Variants in DEFB113 observed in about 807,000 individuals in gnomAD.
DEFB113 encodes the protein beta-defensin 113.
Under a neutral mutation model 2.5 loss-of-function variants are expected in DEFB113, and 5 were observed. That is an observed-to-expected ratio of 1.99 (90% CI 1.04 to 4.18). The LOEUF is 4.18. Among genes scored for constraint, DEFB113 ranks in the 30% most tolerant of loss-of-function variants. The probability of loss-of-function intolerance (pLI) is 0.00; values close to 1 mark genes in which losing one functional copy is unlikely to be tolerated. For missense variants in DEFB113, 123 were observed against 96.6 expected (o/e 1.27, Z -1.14); for synonymous variants, 42 against 31.6 (o/e 1.33, Z -1.11).
At position 49,968,700 on chromosome 6, in the gene DEFB113, T is replaced by C; in HGVS notation, c.226A>G (p.Thr76Ala). ...ATTTATTTTTGATGGAGTTTACTAG[T>C]GATTTTGTTAATGATTGGCTTTTGG... ...EYQKPIINKI[T>A]SKLHQK The change falls in exon 2 of 2, where the codon ACT (threonine) becomes GCT (alanine). Residue 76 changes from threonine (T) to alanine (A), a missense_variant. Coordinates refer to ENST00000398718, the MANE Select transcript of DEFB113 (RefSeq NM_001037729.1). The C allele has an allele frequency of 6.7e-7, 1 of 1,503,710 alleles. No individual in the cohort carries two copies. Among genetic ancestry groups the C allele is most frequent in the South Asian group, 1.3e-5 (1 of 75,428 alleles). The allele number at this position is 1,503,710 out of a possible 1,614,324, so 93.1% of individuals were successfully genotyped here. A position where few individuals can be genotyped will look rare whatever the true frequency, so the allele number is the denominator to read the frequency against.
intron 1 of DEFB113, 84 bp from the exon 2 acceptor site, chr6:49,968,951 A>G (rs531282552): frequency 1.5e-6 from 2 of 1,300,888 alleles, no homozygotes; most frequent in South Asian, 3.4e-5. Flanking sequence ...ATGTAGAGTT[A>G]AACCATTTTG....
chr6:49,969,542 A>G lies in DEFB113; in HGVS notation c.58+26T>C, dbSNP rs773848264. ...TTTATAAGAACATTTTGCCTTTCACATCTTTTTTATAATAACAAATATTAC... is the reference window on the plus strand; with the variant it reads ...TTTATAAGAACATTTTGCCTTTCACGTCTTTTTTATAATAACAAATATTAC... On this transcript the variant is annotated intron_variant, in intron 1 of 1. Transcript: ENST00000398718. 5.2e-6 allele frequency: 8 copies of G among 1,546,424 alleles called. No homozygotes were observed. The East Asian group carries it at 1.6e-4, about 31-fold the overall frequency.
chr6:49,968,689 G>T lies in DEFB113; in HGVS notation c.237C>A (p.Leu79=). The T allele has an allele frequency of 6.8e-7, 1 of 1,467,016 alleles. No homozygotes were observed. Among genetic ancestry groups the T allele is most frequent in the Non-Finnish European group, 9.0e-7 (1 of 1,105,702 alleles). 90.9% of individuals were successfully genotyped at this position (1,467,016 alleles called of 1,614,324 possible). ...KPIINKITSK[L]HQK ...TTATAATTATAATTTATTTTTGATG[G>T]AGTTTACTAGTGATTTTGTTAATGA... The change falls in exon 2 of 2, where the codon CTC becomes CTA. Residue 79 remains leucine (L), a synonymous_variant. Coordinates refer to ENST00000398718, the MANE Select transcript of DEFB113 (RefSeq NM_001037729.1).
intron 1 of DEFB113, 21 bp from the exon 2 acceptor site, chr6:49,968,888 C>G (rs1282588395): frequency 6.3e-7 from 1 of 1,584,364 alleles, no homozygotes; most frequent in African/African-American, 1.4e-5. Context: ...GTAGCTATGA[C>G]CATAAGTCCA....
chr6:49,968,864 G>A lies in DEFB113; in HGVS notation c.62C>T (p.Pro21Leu). Residue 21 changes from proline (P) to leucine (L), a missense_variant, in exon 2 of 2, where the codon CCA (proline) becomes CTA (leucine). Coordinates refer to ENST00000398718, the MANE Select transcript of DEFB113 (RefSeq NM_001037729.1). Reference protein sequence around the residue: ...VFTVSCGPSVPQKKTREVAER... With the variant: ...VFTVSCGPSVLQKKTREVAER... ...TGCAACTTCTCTTGTTTTTTTCTGT[G>A]GAACTAGGAAAAAGTAGCTATGACC... The A allele has an allele frequency of 6.3e-7, 1 of 1,593,978 alleles. No homozygotes were observed. The highest frequency in any genetic ancestry group is 1.8e-5 in the Admixed American group (1 of 56,914).
In DEFB113 at chr6:49,969,601, T is replaced by C; in HGVS notation, c.25A>G (p.Thr9Ala). The C allele has an allele frequency of 6.2e-7, 1 of 1,606,984 alleles. No homozygotes were observed. Among genetic ancestry groups the C allele is most frequent in the East Asian group, 2.2e-5 (1 of 44,650 alleles). The change falls in exon 1 of 2, where the codon ACC becomes GCC. Residue 9 changes from threonine to alanine, a missense_variant. Physicochemically the swap from Thr to Ala is moderately conservative, Grantham distance 58 (BLOSUM62 0). Coordinates refer to ENST00000398718, the MANE Select transcript of DEFB113 (RefSeq NM_001037729.1). ...CCACAAGACACAGTGAAGACAAAGG[T>C]CAGAAAAATACAAAGTATCTTCATT... The part of the protein sequence containing the change: MKILCIFL[T>A]FVFTVSCGPS...
At position 49,968,778 on chromosome 6, in the gene DEFB113, C is replaced by T. The variant is rs1183768227; in HGVS notation, c.148G>A (p.Glu50Lys). ...GACKPECNSW[E>K]YVYYYCNVNP... ...ACATTGCAGTAATAATATACATATTCCCAGCTGTTGCATTCCGGCTTGCAA... is the reference window on the plus strand; with the variant it reads ...ACATTGCAGTAATAATATACATATTTCCAGCTGTTGCATTCCGGCTTGCAA... Residue 50 changes from glutamate (E) to lysine (K), a missense_variant, in exon 2 of 2, where the codon GAA becomes AAA. Glu to Lys is a moderately conservative substitution (Grantham distance 56). Coordinates refer to ENST00000398718, the MANE Select transcript of DEFB113 (RefSeq NM_001037729.1). 4.4e-6 allele frequency: 7 copies of T among 1,603,850 alleles called. No individual in the cohort carries two copies. Among genetic ancestry groups the T allele is most frequent in the Non-Finnish European group, 4.3e-6 (5 of 1,174,852 alleles).
rs148034311 is a variant in DEFB113, at chr6:49,969,185, C to A, written c.59-318G>T. On this transcript the variant is annotated intron_variant, in intron 1 of 1. Transcript: ENST00000398718. The stretch of plus-strand genomic sequence containing the variant: ...ATGTTCTGTGTTCTAAATAATCATC[C>A]ACCTCCAACCCCTTTTCTCTCTACC... Among the ~76,000 whole-genome samples the A allele has an allele frequency of 5.6e-4, 85 of 151,046 alleles. No individual in the cohort carries two copies. The East Asian group carries it at 0.01, about 18-fold the overall frequency.
intron 1 of DEFB113, 87 bp downstream of exon 1, chr6:49,969,481 T>A (rs1481609216): frequency 3.0e-6 from 3 of 996,398 alleles, no homozygotes; most frequent in Non-Finnish European, 4.5e-6. Context: ...CTCCTAACAA[T>A]AATTTATTTG....
At position 49,968,757 on chromosome 6, in the gene DEFB113, T is replaced by C. The variant is rs762677670; in HGVS notation, c.169A>G (p.Asn57Asp). The C allele has an allele frequency of 1.9e-6, 3 of 1,596,020 alleles. No individual in the cohort carries two copies. ...CATACCGCACAGCAGGGGTTAACAT[T>C]GCAGTAATAATATACATATTCCCAG... ...NSWEYVYYYC[N>D]VNPCCAVWEY... Residue 57 changes from asparagine to aspartate, a missense_variant, in exon 2 of 2, where the codon AAT becomes GAT. Physicochemically the swap from Asn to Asp is conservative, Grantham distance 23 (BLOSUM62 1). Coordinates refer to ENST00000398718, the MANE Select transcript of DEFB113 (RefSeq NM_001037729.1).
intron 1 of DEFB113, 94 bp downstream of exon 1, chr6:49,969,474 C>T (rs1466978428): frequency 1.1e-6 from 1 of 938,282 alleles, no homozygotes; most frequent in African/African-American, 1.7e-5. Context: ...ATGAAATCTC[C>T]TAACAATAAT....
chr6:49,968,844 C>A lies in DEFB113; in HGVS notation c.82G>T (p.Val28Phe). 1 of 1,599,330 alleles carries A rather than the reference C, an allele frequency of 6.3e-7. No individual in the cohort carries two copies. Among genetic ancestry groups the A allele is most frequent in the Non-Finnish European group, 8.5e-7 (1 of 1,173,280 alleles). Reference sequence around the variant, plus strand: ...TGACATTCTCTTTTTCTCTCTGCAACTTCTCTTGTTTTTTTCTGTGGAACT... The same window carrying A: ...TGACATTCTCTTTTTCTCTCTGCAAATTCTCTTGTTTTTTTCTGTGGAACT... ...PSVPQKKTRE[V>F]AERKRECQLV... The change falls in exon 2 of 2, where the codon GTT becomes TTT. Residue 28 changes from valine to phenylalanine, a missense_variant. Transcript: ENST00000398718.
At position 49,968,868 on chromosome 6, in the gene DEFB113, C is replaced by T. The variant is rs767607443; in HGVS notation, c.59-1G>A. The T allele has an allele frequency of 1.3e-6, 2 of 1,595,882 alleles. No homozygotes were observed. The highest frequency in any genetic ancestry group is 2.3e-5 in the East Asian group (1 of 43,974). Reference sequence around the variant, plus strand: ...ACTTCTCTTGTTTTTTTCTGTGGAACTAGGAAAAAGTAGCTATGACCATAA... The same window carrying T: ...ACTTCTCTTGTTTTTTTCTGTGGAATTAGGAAAAAGTAGCTATGACCATAA... On this transcript the variant is annotated splice_acceptor_variant, in intron 1 of 1. Transcript: ENST00000398718. LOFTEE classifies it high-confidence loss of function.
At position 49,968,990 on chromosome 6, in the gene DEFB113, T is replaced by C. The variant is rs1773590760; in HGVS notation, c.59-123A>G. 8 of 915,690 alleles carry C rather than the reference T, an allele frequency of 8.7e-6. No homozygotes were observed. In the South Asian group the frequency reaches 1.9e-4, roughly 22 times the overall value. 56.7% of individuals were successfully genotyped at this position (915,690 alleles called of 1,614,324 possible). On this transcript the variant is annotated intron_variant, in intron 1 of 1. Transcript: ENST00000398718. ...CTGAAATCATGCCCAAGCAACTCTA[T>C]TGAAATTTTTCCCTCTCTCAGCTGG...
At position 49,968,749 on chromosome 6, in the gene DEFB113, G is replaced by A. The variant is rs376862450; in HGVS notation, c.177C>T (p.Asn59=). Residue 59 remains asparagine (N), a synonymous_variant, in exon 2 of 2, where the codon AAC becomes AAT. Coordinates refer to ENST00000398718, the MANE Select transcript of DEFB113 (RefSeq NM_001037729.1). ...GGTATTCCCATACCGCACAGCAGGG[G>A]TTAACATTGCAGTAATAATATACAT... The part of the protein sequence containing the change: ...WEYVYYYCNV[N]PCCAVWEYQK... 6.9e-6 allele frequency: 11 copies of A among 1,590,236 alleles called. No individual in the cohort carries two copies. Among genetic ancestry groups the A allele is most frequent in the Non-Finnish European group, 8.6e-6 (10 of 1,167,552 alleles).
intron 1 of DEFB113, among the ~76,000 whole-genome samples, chr6:49,969,234 T>A (rs1452299637): frequency 1.3e-5 from 2 of 151,080 alleles, no homozygotes; most frequent in African/African-American, 4.8e-5. Context: ...AGGTTGGCTG[T>A]AAAAAGCTTA....
chr6:49,968,761 G>A lies in DEFB113; in HGVS notation c.165C>T (p.Tyr55=). The change falls in exon 2 of 2, where the codon TAC becomes TAT. Residue 55 remains tyrosine (Y), a synonymous_variant. Coordinates refer to ENST00000398718, the MANE Select transcript of DEFB113 (RefSeq NM_001037729.1). ...CCGCACAGCAGGGGTTAACATTGCAGTAATAATATACATATTCCCAGCTGT... is the reference window on the plus strand; with the variant it reads ...CCGCACAGCAGGGGTTAACATTGCAATAATAATATACATATTCCCAGCTGT... ...ECNSWEYVYY[Y]CNVNPCCAVW... is the part of the protein sequence containing the mutation. The A allele has an allele frequency of 1.9e-6, 3 of 1,597,110 alleles. No homozygotes were observed. Among genetic ancestry groups the A allele is most frequent in the Non-Finnish European group, 1.7e-6 (2 of 1,171,444 alleles).
Position 49,969,611 on chromosome 6 carries a change from A to G in DEFB113, c.15T>C (p.Cys5=), listed in dbSNP as rs1460587739. The change falls in exon 1 of 2, where the codon TGT becomes TGC. Residue 5 remains cysteine (C), a synonymous_variant. Transcript: ENST00000398718. ...CAGTGAAGACAAAGGTCAGAAAAAT[A>G]CAAAGTATCTTCATTGCTGATGCAG... MKIL[C]IFLTFVFTVS... 2.5e-6 allele frequency: 4 copies of G among 1,606,664 alleles called. No individual in the cohort carries two copies. The Admixed American group carries it at 5.0e-5, about 20-fold the overall frequency.
intron 1 of DEFB113, 88 bp from the exon 2 acceptor site, chr6:49,968,955 C>A: frequency 1.6e-6 from 2 of 1,269,958 alleles, no homozygotes; most frequent in Non-Finnish European, 2.1e-6. Context: ...AGAGTTAAAC[C>A]ATTTTGTTTC....
Sources: allele counts gnomAD v4.1 joint callset (sites outside exome capture counted in the v4.1 genomes callset), GRCh38; gene constraint gnomAD v4.1.1; transcripts MANE v1.5; gene names NCBI Gene and HGNC (gene_info 2026-07-23, HGNC 2026-07-21).